Variants in PABPC4 observed in about 807,000 individuals in gnomAD.
PABPC4 encodes the protein poly(A) binding protein cytoplasmic 4.
Under a neutral mutation model 74.5 loss-of-function variants are expected in PABPC4, and 15 were observed. The ratio of observed to expected loss-of-function variants is 0.20; its 90% CI spans 0.13 to 0.31. The LOEUF (loss-of-function observed/expected upper bound fraction) is 0.31, where lower values mean the gene tolerates loss of function less well. Ranked by LOEUF, PABPC4 falls within the 10% of genes least tolerant of loss-of-function variation. The pLI, the probability that PABPC4 is intolerant of heterozygous loss-of-function variation, is 1.00. For synonymous variants in PABPC4, 345 were observed against 303.0 expected, an observed-to-expected ratio of 1.14 and a Z score of -1.44; for missense variants, 610 against 853.5, an observed-to-expected ratio of 0.71 and a Z score of 3.55.
At chr1:39,561,522 T>C in intron 15 of PABPC4, 163 bp downstream of exon 15, 1 of 611,918 alleles carries the variant, frequency 1.6e-6, no homozygotes. Flanking sequence ...TCCACAGTCC[T>C]CATGATAAGA....
rs577134267 is a variant in PABPC4, at chr1:39,565,801, C to T, written c.973-423G>A. On this transcript the variant is annotated intron_variant, in intron 7 of 15. Coordinates refer to ENST00000372858, the MANE Select transcript of PABPC4 (RefSeq NM_001135653.2). ...CGAGATCGCGCCACTGCACTCCAGC[C>T]TGGGCGACAGAGCGAGACTCCATCT... Among the ~76,000 whole-genome samples, 263 of 152,176 alleles carry T rather than the reference C, an allele frequency of 1.7e-3. 1 individual carries two copies. Among genetic ancestry groups the T allele is most frequent in the African/African-American group, 6.2e-3 (256 of 41,480 alleles).
At chr1:39,565,556 G>T (rs758449138) in intron 7 of PABPC4, among the ~76,000 whole-genome samples, 178 bp from the exon 8 acceptor site, 10 of 151,812 alleles carry the variant, frequency 6.6e-5, no homozygotes, top group Non-Finnish European at 1.2e-4. Flanking sequence ...AGGGCCAGGC[G>T]CAGTGGCTCA....
intron 2 of PABPC4, among the ~76,000 whole-genome samples, chr1:39,572,118 T>C (rs1318140025): frequency 4.7e-5 from 7 of 150,050 alleles, no homozygotes; most frequent in Non-Finnish European, 1.0e-4. Context: ...GGTCCTCTAC[T>C]TTCCCCCATC....
At position 39,576,571 on chromosome 1, in the gene PABPC4, G is replaced by T; in HGVS notation, c.-620C>A. 2 of 149,950 alleles carry T rather than the reference G, an allele frequency of 1.3e-5. No homozygotes were observed. Among genetic ancestry groups the T allele is most frequent in the South Asian group, 3.7e-4 (2 of 5,340 alleles). The allele number at this position is 149,950 out of a possible 1,614,324, so 9.3% of individuals were successfully genotyped here. Reference sequence around the variant, plus strand: ...GCTCACCCCCGGACCGACGGACGGAGACCGACGGACGCCAAGCGCTGCGGC... The same window carrying T: ...GCTCACCCCCGGACCGACGGACGGATACCGACGGACGCCAAGCGCTGCGGC... On this transcript the variant is annotated 5_prime_UTR_variant, in exon 1 of 16. Transcript: ENST00000372858.
intron 12 of PABPC4, 162 bp from the exon 13 acceptor site, chr1:39,562,578 G>A (rs1645781334): frequency 3.4e-6 from 2 of 587,630 alleles, no homozygotes; most frequent in South Asian, 4.5e-5. Flanking sequence ...AGGATTGAGG[G>A]GTGTGTTGAG....
chr1:39,561,163 ATAAT>A, intron 15 of PABPC4, 41 bp from the exon 16 acceptor site: 1 of 469,720 alleles, frequency 2.1e-6, no homozygotes, highest in Non-Finnish European at 4.4e-6. Flanking sequence ...GCATAATCAA[ATAAT>A]TTAGATTCAT....
intron 12 of PABPC4, 24 bp from the exon 13 acceptor site, chr1:39,562,440 G>A: frequency 1.9e-6 from 3 of 1,568,632 alleles, no homozygotes; most frequent in Non-Finnish European, 2.6e-6. Context: ...AAGGCAGTGG[G>A]TTAGCACTGA....
intron 7 of PABPC4, 46 bp from the exon 8 acceptor site, chr1:39,565,424 G>T: frequency 6.4e-7 from 1 of 1,563,166 alleles, no homozygotes; most frequent in East Asian, 2.2e-5. Flanking sequence ...GTCCCTGGCT[G>T]GGTGTGATGG....
chr1:39,567,360 CA>C (rs1292868222), intron 7 of PABPC4: 2 of 519,220 alleles, frequency 3.9e-6, no homozygotes, highest in Admixed American at 3.9e-5. Context: ...AAAATACCTT[CA>C]TTCTCAAGGA....
chr1:39,574,166 G>T (rs1217720973), intron 1 of PABPC4, among the ~76,000 whole-genome samples: 4 of 152,204 alleles, frequency 2.6e-5, no homozygotes, highest in African/African-American at 9.7e-5. Context: ...CCTTCAGAAG[G>T]TGGGCCTCAT....
intron 8 of PABPC4, 26 bp from the exon 9 acceptor site, chr1:39,564,799 A>T: frequency 6.4e-7 from 1 of 1,566,994 alleles, no homozygotes; most frequent in Non-Finnish European, 8.8e-7. Flanking sequence ...ATACCCAAAC[A>T]CCCCCTTAAG....
At chr1:39,562,551 C>A in intron 12 of PABPC4, 135 bp from the exon 13 acceptor site, 1 of 636,938 alleles carries the variant, frequency 1.6e-6, no homozygotes. Flanking sequence ...TCTAAAGGAA[C>A]TAATTTCAGT....
chr1:39,571,038 G>A, intron 3 of PABPC4, 196 bp downstream of exon 3: 4 of 1,456,218 alleles, frequency 2.7e-6, no homozygotes, highest in Non-Finnish European at 3.6e-6. Context: ...CATGGCTTGG[G>A]CAGGAAGCCC....
rs1333587656 is a variant in PABPC4 at position 39,560,924 on chromosome 1, ACTGT to A, written c.*208_*211del. Reference sequence around the variant, plus strand: ...AACCCACAATAAAAAAAAAGTTAACACTGTCTGGGCCACAGCAGAACCCAAAGAA... The same window carrying A: ...AACCCACAATAAAAAAAAAGTTAACACTGGGCCACAGCAGAACCCAAAGAA... On this transcript the variant is annotated 3_prime_UTR_variant, in exon 16 of 16. Transcript: ENST00000372858. The A allele has an allele frequency of 5.6e-5, 12 of 213,786 alleles. No homozygotes were observed. The highest frequency in any genetic ancestry group is 4.0e-4 in the Admixed American group (8 of 20,222). 13.2% of individuals were successfully genotyped at this position (213,786 alleles called of 1,614,324 possible).
intron 3 of PABPC4, 96 bp downstream of exon 3, chr1:39,571,138 C>T (rs1355023452): frequency 1.3e-5 from 20 of 1,591,856 alleles, no homozygotes; most frequent in East Asian, 2.2e-5. Context: ...ACACTTGGGC[C>T]GAGAACCAGT....
intron 1 of PABPC4, 111 bp downstream of exon 1, chr1:39,575,648 G>T: frequency 1.2e-6 from 1 of 832,732 alleles, no homozygotes; most frequent in Non-Finnish European, 1.8e-6. Context: ...CCCAGCTTCG[G>T]TGGCAACATG....
intron 2 of PABPC4, among the ~76,000 whole-genome samples, chr1:39,572,158 T>C (rs1373950771): frequency 6.6e-6 from 1 of 152,172 alleles, no homozygotes; most frequent in East Asian, 1.9e-4. Context: ...TTTCCAAAGC[T>C]AAAGAATAGG....
intron 8 of PABPC4, 146 bp from the exon 9 acceptor site, chr1:39,564,919 C>G (rs1041416005): frequency 3.5e-6 from 3 of 857,156 alleles, no homozygotes; most frequent in African/African-American, 3.4e-5. Context: ...CTAATGGGGA[C>G]TGTTTTATGC....
intron 7 of PABPC4, among the ~76,000 whole-genome samples, chr1:39,567,155 A>G (rs1411548098): frequency 6.6e-6 from 1 of 152,196 alleles, no homozygotes; most frequent in Non-Finnish European, 1.5e-5. Context: ...TGTAGTCAGC[A>G]TTCTCTTGTT....
Sources: gnomAD v4.1 joint callset for allele counts (sites outside exome capture counted in the v4.1 genomes callset) on GRCh38, gnomAD v4.1.1 for gene constraint, MANE v1.5 for transcripts, NCBI Gene and HGNC (gene_info 2026-07-23, HGNC 2026-07-21) for gene names.